The following USO1 variants were observed in gnomAD, a reference collection of about 807,000 sequenced individuals.
USO1 encodes the protein USO1 vesicle transport factor.
USO1 carries 57 observed loss-of-function variants against 124.5 expected under a neutral mutation model. That is an observed-to-expected ratio of 0.46 (90% CI 0.37 to 0.57). The LOEUF (loss-of-function observed/expected upper bound fraction) is 0.57. USO1 is among the 20% of genes least tolerant of loss of function. The pLI is 0.00. For synonymous variants in USO1, 369 were observed against 362.8 expected, an observed-to-expected ratio of 1.02 and a Z score of -0.19; for missense variants, 900 against 1,040.6, an observed-to-expected ratio of 0.86 and a Z score of 1.86.
chr4:75,772,743 A>G (rs1028899348), intron 7 of USO1, among the ~76,000 whole-genome samples: 10 of 151,960 alleles, frequency 6.6e-5, no homozygotes, highest in Admixed American at 3.9e-4. Flanking sequence ...GTCTCCCCAC[A>G]TCTTTTAATT....
At chr4:75,766,733 C>G (rs1453359824) in intron 4 of USO1, among the ~76,000 whole-genome samples, 1 of 152,186 alleles carries the variant, frequency 6.6e-6, no homozygotes, top group African/African-American at 2.4e-5. Context: ...CATGTGAAGA[C>G]ATTATCTCCA....
In USO1 at chr4:75,750,247, A is replaced by G. The variant is rs1020644540; in HGVS notation, c.67-2126A>G. On this transcript the variant is annotated intron_variant, in intron 1 of 23. Transcript: ENST00000514213. Reference sequence around the variant, plus strand: ...CCAGGAGTTTGAGAGCAGACTGAGCAATATAGTTAGACCCTGTCTCTAAAA... The same window carrying G: ...CCAGGAGTTTGAGAGCAGACTGAGCGATATAGTTAGACCCTGTCTCTAAAA... Among the ~76,000 whole-genome samples the G allele has an allele frequency of 5.3e-4, 81 of 152,172 alleles. 1 individual carries two copies. In the South Asian group the frequency reaches 0.016, roughly 30 times the overall value.
intron 8 of USO1, among the ~76,000 whole-genome samples, chr4:75,778,909 G>A (rs1722144050): frequency 6.6e-6 from 1 of 152,180 alleles, no homozygotes; most frequent in African/African-American, 2.4e-5. Context: ...CAGGGAATAT[G>A]TTTTTTACCA....
intron 13 of USO1, among the ~76,000 whole-genome samples, chr4:75,797,421 T>A (rs1722716604): frequency 6.6e-6 from 1 of 151,826 alleles, no homozygotes; most frequent in African/African-American, 2.4e-5. Flanking sequence ...CCCATTTTTC[T>A]GGATTTTTGT....
chr4:75,741,130 T>G (rs992596495), intron 1 of USO1, among the ~76,000 whole-genome samples: 4 of 152,226 alleles, frequency 2.6e-5, no homozygotes, highest in Non-Finnish European at 5.9e-5. Flanking sequence ...TGTAGCCTAT[T>G]GCTCTTGGGC....
Position 75,790,191 on chromosome 4 carries a change from A to T in USO1, c.1038A>T (p.Val346=), listed in dbSNP as rs761992242. ...CAGAAGTTATTCGAGGCTGCCAAGT[A>T]AACCAAGACTACTTTGCATCTGTAA... The part of the protein sequence containing the change: ...TVSEVIRGCQ[V]NQDYFASVNA... The change falls in exon 11 of 24, where the codon GTA becomes GTT. Residue 346 remains valine (V), a synonymous_variant. Coordinates refer to ENST00000514213, the MANE Select transcript of USO1 (RefSeq NM_003715.4). 2.5e-6 allele frequency: 4 copies of T among 1,605,066 alleles called. No individual in the cohort carries two copies. The highest frequency in any genetic ancestry group is 2.6e-6 in the Non-Finnish European group (3 of 1,175,636).
chr4:75,732,352 T>G (rs1158547234), intron 1 of USO1, among the ~76,000 whole-genome samples: 1 of 152,250 alleles, frequency 6.6e-6, no homozygotes, highest in Non-Finnish European at 1.5e-5. Flanking sequence ...TTCTTTTTCA[T>G]GTCGACATAG....
chr4:75,798,993 G>A (rs1722766796), intron 13 of USO1, among the ~76,000 whole-genome samples: 1 of 151,918 alleles, frequency 6.6e-6, no homozygotes. Context: ...ACTATACTTG[G>A]CAGCTGTTAA....
chr4:75,726,281 CAAAAA>C (rs1182405273), intron 1 of USO1, among the ~76,000 whole-genome samples: 2 of 75,504 alleles, frequency 2.6e-5, no homozygotes, highest in Non-Finnish European at 2.7e-5. Flanking sequence ...AACTCTGTCT[CAAAAA>C]AAAAAAAAAA....
At chr4:75,779,603 T>C (rs1474899945) in intron 8 of USO1, among the ~76,000 whole-genome samples, 1 of 152,206 alleles carries the variant, frequency 6.6e-6, no homozygotes, top group Non-Finnish European at 1.5e-5. Flanking sequence ...AGTGACGCCC[T>C]GACTCTTCAA....
chr4:75,760,870 G>A (rs753059552), intron 4 of USO1, among the ~76,000 whole-genome samples: 246 of 152,292 alleles, frequency 1.6e-3, no homozygotes, highest in Non-Finnish European at 1.8e-3. Context: ...TTTCTGGCCA[G>A]GCGTGGTGGC....
At chr4:75,794,390 C>T (rs1295509796) in intron 13 of USO1, among the ~76,000 whole-genome samples, 2 of 152,068 alleles carry the variant, frequency 1.3e-5, no homozygotes, top group African/African-American at 4.8e-5. Context: ...CTTAAGTCCC[C>T]GGTGCATATA....
At chr4:75,756,415 C>G (rs1721444127) in intron 3 of USO1, among the ~76,000 whole-genome samples, 1 of 143,130 alleles carries the variant, frequency 7.0e-6, no homozygotes, top group Non-Finnish European at 1.5e-5. Flanking sequence ...ATTACTGAGT[C>G]TTATAAAGTT....
chr4:75,754,961 G>A (rs1721396679), intron 3 of USO1, among the ~76,000 whole-genome samples: 1 of 152,236 alleles, frequency 6.6e-6, no homozygotes, highest in Non-Finnish European at 1.5e-5. Flanking sequence ...AGGTTGCCAT[G>A]AAGCCATCAG....
At chr4:75,729,453 G>A (rs1328918531) in intron 1 of USO1, among the ~76,000 whole-genome samples, 1 of 151,886 alleles carries the variant, frequency 6.6e-6, no homozygotes, top group African/African-American at 2.4e-5. Flanking sequence ...AGTTCTCCTG[G>A]CTCAGTCTCC....
intron 10 of USO1, 36 bp downstream of exon 10, chr4:75,787,238 G>C: frequency 7.0e-7 from 1 of 1,424,356 alleles, no homozygotes; most frequent in Non-Finnish European, 9.2e-7. Context: ...CTCTGTGGAA[G>C]TTGAAATCCT....
At chr4:75,799,508 T>A (rs1722780463) in intron 13 of USO1, 114 bp from the exon 14 acceptor site, 1 of 1,205,898 alleles carries the variant, frequency 8.3e-7, no homozygotes, top group Non-Finnish European at 1.1e-6. Flanking sequence ...TTCTGGCTCA[T>A]CTCTTGTAAG....
intron 11 of USO1, 118 bp downstream of exon 11, chr4:75,790,356 G>C (rs1321279729): frequency 1.5e-5 from 20 of 1,312,620 alleles, no homozygotes; most frequent in Non-Finnish European, 2.0e-5. Flanking sequence ...TTTGGAACTA[G>C]AAATTATCTG....
At chr4:75,805,377 C>G (rs1293743649) in intron 19 of USO1, 74 bp downstream of exon 19, 2 of 1,438,138 alleles carry the variant, frequency 1.4e-6, no homozygotes, top group East Asian at 5.1e-5. Flanking sequence ...TTTTTTTTTC[C>G]TTGGATCTCT....
Sources: allele counts gnomAD v4.1 joint callset (sites outside exome capture counted in the v4.1 genomes callset), GRCh38; gene constraint gnomAD v4.1.1; transcripts MANE v1.5; gene names NCBI Gene and HGNC (gene_info 2026-07-23, HGNC 2026-07-21).